Variants in DMXL2 observed in about 807,000 individuals in gnomAD.
The protein encoded by DMXL2 is dmX-like protein 2.
A neutral mutation model predicts 331.1 loss-of-function variants in DMXL2; 103 were observed. The ratio of observed to expected loss-of-function variants is 0.31; its 90% CI spans 0.27 to 0.37. The LOEUF (loss-of-function observed/expected upper bound fraction) is 0.37, where lower values mean the gene tolerates loss of function less well. Ranked by LOEUF, DMXL2 falls within the 10% of genes least tolerant of loss-of-function variation. The pLI is 1.00. For missense variants in DMXL2, 3,171 were observed against 3,642.9 expected (o/e 0.87, Z 3.33); for synonymous variants, 1,281 against 1,252.1 (o/e 1.02, Z -0.49).
chr15:51,594,286 C>T (rs926019288), intron 1 of DMXL2, among the ~76,000 whole-genome samples: 1 of 152,156 alleles, frequency 6.6e-6, no homozygotes, highest in Non-Finnish European at 1.5e-5. Context: ...ACTATAAACA[C>T]CTCTACACAA....
At chr15:51,476,442 A>C in intron 27 of DMXL2, 147 bp downstream of exon 27, 1 of 905,728 alleles carries the variant, frequency 1.1e-6, no homozygotes, top group East Asian at 2.6e-5. Flanking sequence ...ATAGTTCCTA[A>C]TCCATAGCAG....
chr15:51,480,590 C>T lies in DMXL2; in HGVS notation c.6516G>A (p.Leu2172=). Residue 2172 remains leucine, a synonymous_variant, in exon 24 of 44, where the codon TTG becomes TTA. Transcript: ENST00000560891. ...ATTTGAGTTCCATCCTTACTGAAGCCAAACCACCACCTTGGGCCCCATGAA... is the reference window on the plus strand; with the variant it reads ...ATTTGAGTTCCATCCTTACTGAAGCTAAACCACCACCTTGGGCCCCATGAA... ...CSLHGAQGGG[L]ASVRMELKFL... is the part of the protein sequence containing the mutation. 6.4e-7 allele frequency: 1 copy of T among 1,556,670 alleles called. No homozygotes were observed. The highest frequency in any genetic ancestry group is 8.7e-7 in the Non-Finnish European group (1 of 1,148,164).
chr15:51,552,930 T>C (rs1479885212), intron 6 of DMXL2, among the ~76,000 whole-genome samples: 1 of 152,238 alleles, frequency 6.6e-6, no homozygotes, highest in Non-Finnish European at 1.5e-5. Flanking sequence ...TAACAAGCCC[T>C]GCTAATTCCT....
chr15:51,523,883 G>A (rs1240017870), intron 13 of DMXL2, among the ~76,000 whole-genome samples: 3 of 152,202 alleles, frequency 2.0e-5, no homozygotes, highest in Non-Finnish European at 4.4e-5. Flanking sequence ...CAATATAGTT[G>A]GAGACTGCAA....
At chr15:51,524,322 C>T (rs760852800) in intron 13 of DMXL2, among the ~76,000 whole-genome samples, 1 of 152,104 alleles carries the variant, frequency 6.6e-6, no homozygotes, top group Non-Finnish European at 1.5e-5. Context: ...CTACAAATAA[C>T]CCAACAGCTG....
intron 2 of DMXL2, among the ~76,000 whole-genome samples, chr15:51,570,868 C>A (rs2050623123): frequency 6.6e-6 from 1 of 152,166 alleles, no homozygotes; most frequent in Non-Finnish European, 1.5e-5. Flanking sequence ...TATGAAGAAA[C>A]TGCATCAATT....
intron 14 of DMXL2, among the ~76,000 whole-genome samples, chr15:51,516,662 T>C (rs544830618): frequency 6.6e-6 from 1 of 152,340 alleles, no homozygotes; most frequent in South Asian, 2.1e-4. Context: ...CTTAAATAGC[T>C]TTTGGGGTAC....
chr15:51,475,930 T>C lies in DMXL2; in HGVS notation c.6964+659A>G, dbSNP rs985642869. Among the ~76,000 whole-genome samples, 6 of 152,152 alleles carry C rather than the reference T, an allele frequency of 3.9e-5. 1 individual carries two copies. Among genetic ancestry groups the C allele is most frequent in the Admixed American group, 1.3e-4 (2 of 15,274 alleles). On this transcript the variant is annotated intron_variant, in intron 27 of 43. Transcript: ENST00000560891. ...GAAGAAATGAATGACAAAGCAAGCATGGTAAAATGTTAACATTTGGGGAAT... is the reference window on the plus strand; with the variant it reads ...GAAGAAATGAATGACAAAGCAAGCACGGTAAAATGTTAACATTTGGGGAAT...
chr15:51,568,539 T>G lies in DMXL2; in HGVS notation c.233A>C (p.Asn78Thr). The G allele has an allele frequency of 6.3e-7, 1 of 1,580,694 alleles. No individual in the cohort carries two copies. The highest frequency in any genetic ancestry group is 8.5e-7 in the Non-Finnish European group (1 of 1,170,148). The change falls in exon 3 of 44, where the codon AAT becomes ACT. Residue 78 changes from asparagine (N) to threonine (T), a missense_variant. Coordinates refer to ENST00000560891, the MANE Select transcript of DMXL2 (RefSeq NM_001378457.1). ...QQGRIAASYGNAVCIFEPLGI... is the reference protein window; with the variant it reads ...QQGRIAASYGTAVCIFEPLGI... ...CAAGGGCTCAAATATACAAACAGCA[T>G]TACCATATGAAGCTGCAATCTAAAA...
intron 29 of DMXL2, among the ~76,000 whole-genome samples, chr15:51,467,518 T>C (rs2040693382): frequency 6.6e-6 from 1 of 152,142 alleles, no homozygotes; most frequent in Non-Finnish European, 1.5e-5. Context: ...AATAAGATCA[T>C]TAAAATTTTA....
chr15:51,560,015 T>A (rs1266888754), intron 6 of DMXL2, among the ~76,000 whole-genome samples: 1 of 152,186 alleles, frequency 6.6e-6, no homozygotes, highest in African/African-American at 2.4e-5. Context: ...CATTATTTAA[T>A]ACATGTCAGA....
intron 1 of DMXL2, among the ~76,000 whole-genome samples, chr15:51,598,988 T>C (rs1405881350): frequency 6.6e-6 from 1 of 152,248 alleles, no homozygotes; most frequent in African/African-American, 2.4e-5. Context: ...GTTGCATCAT[T>C]TGTCAGTTTC....
intron 1 of DMXL2, among the ~76,000 whole-genome samples, chr15:51,604,111 T>G (rs2053413490): frequency 6.6e-6 from 1 of 151,908 alleles, no homozygotes; most frequent in Non-Finnish European, 1.5e-5. Context: ...TTTTCAAAAC[T>G]CAATCACGGC....
Position 51,565,097 on chromosome 15 carries a change from C to T in DMXL2, c.355G>A (p.Asp119Asn). The change falls in exon 4 of 44, where the codon GAT becomes AAT. Residue 119 changes from aspartate (D) to asparagine (N), a missense_variant. Physicochemically the swap from Asp to Asn is conservative, Grantham distance 23. This residue lies in a region of DMXL2 where 1,674 missense variants were observed against 1,780.2 expected (regional missense o/e 0.94). Coordinates refer to ENST00000560891, the MANE Select transcript of DMXL2 (RefSeq NM_001378457.1). ...LSSVTYNLAW[D>N]PQDNRLLTAT... ...TACAATTGCTAAATACCTTGAGGAT[C>T]CCATGCTAAGTTGTATGTCACAGAA... 6.5e-7 allele frequency: 1 copy of T among 1,533,462 alleles called. No homozygotes were observed. 95.0% of individuals were successfully genotyped at this position (1,533,462 alleles called of 1,614,324 possible).
At chr15:51,561,335 A>G (rs1450196872) in intron 6 of DMXL2, among the ~76,000 whole-genome samples, 1 of 152,210 alleles carries the variant, frequency 6.6e-6, no homozygotes, top group African/African-American at 2.4e-5. Flanking sequence ...GCAGGAGAGT[A>G]GTCTTCATAC....
intron 40 of DMXL2, 102 bp from the exon 41 acceptor site, chr15:51,453,743 A>G: frequency 3.3e-6 from 3 of 917,106 alleles, no homozygotes; most frequent in African/African-American, 3.4e-5. Flanking sequence ...TGCATGAGCT[A>G]AAAATAGTTT....
chr15:51,512,809 T>A (rs1188203471), intron 15 of DMXL2, among the ~76,000 whole-genome samples: 1 of 143,662 alleles, frequency 7.0e-6, no homozygotes, highest in Non-Finnish European at 1.5e-5. Flanking sequence ...AAGCAAACTC[T>A]GTCTCGGAAA....
chr15:51,499,853 T>C lies in DMXL2; in HGVS notation c.3371A>G (p.His1124Arg), dbSNP rs2043457527. Residue 1124 changes from histidine to arginine, a missense_variant, in exon 18 of 44, where the codon CAT becomes CGT. By Grantham distance (29) the His-to-Arg change is conservative (BLOSUM62 0). Around this residue, in one of 7 missense-constraint regions of DMXL2, gnomAD observed 1,674 missense variants for 1,780.2 expected, o/e 0.94. Transcript: ENST00000560891. ...CCCAACCTTAACCAAATCATCAAGA[T>C]GAATTGTTTGTTCTAAAACCCACTC... is the stretch of plus-strand genomic sequence containing the variant. ...GSEWVLEQTI[H>R]LDDLVKVGSV... The C allele has an allele frequency of 6.2e-7, 1 of 1,614,194 alleles. No individual in the cohort carries two copies. Among genetic ancestry groups the C allele is most frequent in the South Asian group, 1.1e-5 (1 of 91,084 alleles).
In DMXL2 at chr15:51,536,583, C is replaced by G; in HGVS notation, c.1897G>C (p.Ala633Pro). 2 of 1,613,982 alleles carry G rather than the reference C, an allele frequency of 1.2e-6. No homozygotes were observed. The highest frequency in any genetic ancestry group is 1.7e-6 in the Non-Finnish European group (2 of 1,179,958). ...QWAVTFADKS[A>P]FTTVLTVSHK... is the part of the protein sequence containing the mutation. ...GATACAGTTAGAACAGTGGTAAAGG[C>G]AGACTTATCAGCAAAAGTGACTGCC... The change falls in exon 12 of 44, where the codon GCC becomes CCC. Residue 633 changes from alanine to proline, a missense_variant. Transcript: ENST00000560891.
Sources: gnomAD v4.1 joint callset for allele counts (sites outside exome capture counted in the v4.1 genomes callset) on GRCh38, gnomAD v4.1.1 for gene constraint, gnomAD v4.1.1 regional missense constraint, MANE v1.5 for transcripts, NCBI Gene and HGNC (gene_info 2026-07-23, HGNC 2026-07-21) for gene names.